CDH24: variants seen among roughly 807,000 people sequenced by gnomAD.
The protein encoded by CDH24 is cadherin 24, also known as cadherin-24.
CDH24 carries 61 observed loss-of-function variants against 71.2 expected under a neutral mutation model. That is an observed-to-expected ratio of 0.86 (90% confidence interval 0.70 to 1.06). The LOEUF (loss-of-function observed/expected upper bound fraction) is 1.06, where lower values mean the gene tolerates loss of function less well. Ranked by LOEUF, CDH24 falls within the 50% of genes least tolerant of loss-of-function variation. CDH24 has a pLI of 0.00. For synonymous variants in CDH24, 440 were observed against 470.2 expected, an observed-to-expected ratio of 0.94 and a Z score of 0.83; for missense variants, 961 against 1,083.7, an observed-to-expected ratio of 0.89 and a Z score of 1.59.
rs750978226 is a variant in CDH24 at position 23,054,604 on chromosome 14, GC to G, written c.685del (p.Ala229ProfsTer17). 1 of 1,614,068 alleles carries G rather than the reference GC, an allele frequency of 6.2e-7. No individual in the cohort carries two copies. Among genetic ancestry groups the G allele is most frequent in the Non-Finnish European group, 8.5e-7 (1 of 1,179,980 alleles). ...TQEEFLVVIQ[A>X]KDMGGHMGGL... is the part of the protein sequence containing the mutation. ...CCCCATGTGGCCGCCCATGTCCTTGGCCTGGATCACCACCAAGAACTCCTCC... is the reference window on the plus strand; with the variant it reads ...CCCCATGTGGCCGCCCATGTCCTTGGCTGGATCACCACCAAGAACTCCTCC... On this transcript the variant is annotated frameshift_variant, in exon 5 of 13. Transcript: ENST00000487137. LOFTEE classifies it high-confidence loss of function. The surrounding 1 kb of genome is among the most constrained non-coding windows in gnomAD (Gnocchi z 5.2).
Position 23,049,251 on chromosome 14 carries a change from G to A in CDH24, c.1622C>T (p.Pro541Leu), listed in dbSNP as rs1221362967. The A allele has an allele frequency of 1.9e-6, 3 of 1,576,612 alleles. No homozygotes were observed. The highest frequency in any genetic ancestry group is 2.6e-6 in the Non-Finnish European group (3 of 1,160,582). ...ATGGCGGGGTGGAGCAGGGCGGGAG[G>A]GCAGCAGCAGGCTGGCGGAGCCATC... ...NRDGSASLLL[P>L]SRPAPPRHAP... The change falls in exon 11 of 13, where the codon CCC becomes CTC. Residue 541 changes from proline to leucine, a missense_variant. Physicochemically the swap from Pro to Leu is moderately conservative, Grantham distance 98 (BLOSUM62 -3). Around this residue, in one of 2 missense-constraint regions of CDH24, gnomAD observed 671 missense variants for 810.9 expected, o/e 0.83. Transcript: ENST00000487137.
At chr14:23,053,771 A>G (rs749511407) in intron 6 of CDH24, 22 bp from the exon 7 acceptor site, 1 of 1,578,090 alleles carries the variant, frequency 6.3e-7, no homozygotes, top group South Asian at 1.1e-5. Flanking sequence ...GGAGAGGGAG[A>G]AAAAGTGAGG....
At chr14:23,050,085 T>C (rs1252523119) in intron 8 of CDH24, 142 bp from the exon 9 acceptor site, 18 of 1,177,832 alleles carry the variant, frequency 1.5e-5, no homozygotes, top group Non-Finnish European at 2.0e-5. Context: ...AATGTACAGG[T>C]AGAAAACAAT....
chr14:23,056,395 G>A (rs1336308143), intron 1 of CDH24, among the ~76,000 whole-genome samples: 5 of 152,236 alleles, frequency 3.3e-5, no homozygotes, highest in African/African-American at 1.2e-4. Flanking sequence ...GGGGGACTGG[G>A]CTCGTGAGAC....
In CDH24 at chr14:23,048,480, C is replaced by A. The variant is rs2047060202; in HGVS notation, c.1847-1G>T. ...AGGGCCACGAAGAGCACCACCAGGG[C>A]TGCGCGAGAGGCGCGCACACAGGCC... On this transcript the variant is annotated splice_acceptor_variant, in intron 11 of 12. Transcript: ENST00000487137. LOFTEE classifies it high-confidence loss of function. The A allele has an allele frequency of 1.2e-6, 2 of 1,604,958 alleles. No individual in the cohort carries two copies. The highest frequency in any genetic ancestry group is 1.3e-5 in the African/African-American group (1 of 74,846).
chr14:23,049,411 T>G, intron 10 of CDH24, 136 bp from the exon 11 acceptor site: 1 of 864,120 alleles, frequency 1.2e-6, no homozygotes, highest in Non-Finnish European at 1.7e-6. Context: ...AGAGCCAGCT[T>G]CCCATAGAGC....
Position 23,049,896 on chromosome 14 carries a change from C to G in CDH24, c.1411G>C (p.Asp471His), listed in dbSNP as rs756508966. The G allele has an allele frequency of 5.6e-6, 9 of 1,613,912 alleles. No homozygotes were observed. Among genetic ancestry groups the G allele is most frequent in the Non-Finnish European group, 6.8e-6 (8 of 1,180,022 alleles). Residue 471 changes from aspartate to histidine, a missense_variant, in exon 9 of 13, where the codon GAT (aspartate) becomes CAT (histidine). Asp to His is a moderately conservative substitution (Grantham distance 81). Around this residue, in one of 2 missense-constraint regions of CDH24, gnomAD observed 671 missense variants for 810.9 expected, o/e 0.83. Coordinates refer to ENST00000487137, the MANE Select transcript of CDH24 (RefSeq NM_144985.4). ...AGCTGGGGAGCATTGTCATTCTCAT[C>G]CAGGGTCTGGATGGCCACTTGCACG... ...SRVQVAIQTL[D>H]ENDNAPQLAE...
Position 23,053,713 on chromosome 14 carries a change from G to A in CDH24, c.1009C>T (p.Arg337Cys), listed in dbSNP as rs764837282. 16 of 1,612,152 alleles carry A rather than the reference G, an allele frequency of 9.9e-6. No individual in the cohort carries two copies. The highest frequency in any genetic ancestry group is 6.7e-5 in the East Asian group (3 of 44,888). ...ATGAGCGTGTTGGTGGCCTCGACAC[G>A]GAAGGAGTAGGAGCGCTGGCTCTCA... Reference protein sequence around the residue: ...DFESQRSYSFRVEATNTLIDP... With the variant: ...DFESQRSYSFCVEATNTLIDP... The change falls in exon 7 of 13, where the codon CGT becomes TGT. Residue 337 changes from arginine to cysteine, a missense_variant. By Grantham distance (180) the Arg-to-Cys change is radical. Around this residue, in one of 2 missense-constraint regions of CDH24, gnomAD observed 671 missense variants for 810.9 expected, o/e 0.83. Coordinates refer to ENST00000487137, the MANE Select transcript of CDH24 (RefSeq NM_144985.4).
At chr14:23,053,808 G>A (rs769059058) in intron 6 of CDH24, 59 bp from the exon 7 acceptor site, 1 of 1,512,270 alleles carries the variant, frequency 6.6e-7, no homozygotes, top group Non-Finnish European at 8.9e-7. Context: ...CAGGTCCCAG[G>A]CTCTTGGAAG....
chr14:23,055,474 T>C lies in CDH24; in HGVS notation c.201+59A>G. 6.3e-7 allele frequency: 1 copy of C among 1,598,230 alleles called. No individual in the cohort carries two copies. Among genetic ancestry groups the C allele is most frequent in the Admixed American group, 1.7e-5 (1 of 59,272 alleles). On this transcript the variant is annotated intron_variant, in intron 2 of 12. Transcript: ENST00000487137. The surrounding 1 kb of genome is among the most constrained non-coding windows in gnomAD (Gnocchi z 4.1). ...CAAGGTCATTGCAGAAGTGATGAAG[T>C]TGCAGGGCAGGGCCTGAGGGCTTGG...
chr14:23,050,675 C>A (rs940748048), intron 8 of CDH24, among the ~76,000 whole-genome samples: 1 of 152,254 alleles, frequency 6.6e-6, no homozygotes, highest in African/African-American at 2.4e-5. Flanking sequence ...TTTACCCATC[C>A]CTTCATCAGG....
rs370092057 is a variant in CDH24 at position 23,047,947 on chromosome 14, C to G, written c.*33G>C. On this transcript the variant is annotated 3_prime_UTR_variant, in exon 12 of 13. Coordinates refer to ENST00000487137, the MANE Select transcript of CDH24 (RefSeq NM_144985.4). ...CTCAGAGGGCCTGTGCCCGCTGCCC[C>G]CCCCCCGCGGTGGGCCGGGCCAGCC... 2.2e-4 allele frequency: 279 copies of G among 1,288,180 alleles called. No homozygotes were observed. Among genetic ancestry groups the G allele is most frequent in the Non-Finnish European group, 2.5e-4 (259 of 1,020,498 alleles). The allele number at this position is 1,288,180 out of a possible 1,614,324, so 79.8% of individuals were successfully genotyped here.
At position 23,055,876 on chromosome 14, in the gene CDH24, C is replaced by T; in HGVS notation, c.-124-19G>A. 6 of 694,824 alleles carry T rather than the reference C, an allele frequency of 8.6e-6. No homozygotes were observed. Among genetic ancestry groups the T allele is most frequent in the Non-Finnish European group, 1.4e-5 (6 of 424,522 alleles). The allele number at this position is 694,824 out of a possible 1,614,324, so 43.0% of individuals were successfully genotyped here. ...TCCACACCTGCAGGACAAGCAGCTG[C>T]TCAGGCTCAAGGAAACCCCTAGCCC... On this transcript the variant is annotated intron_variant, in intron 1 of 12. Coordinates refer to ENST00000487137, the MANE Select transcript of CDH24 (RefSeq NM_144985.4). This position sits in a 1 kb window ranked among gnomAD's most constrained non-coding sequence, Gnocchi z 4.1.
At chr14:23,049,391 T>A (rs2047067391) in intron 10 of CDH24, 116 bp from the exon 11 acceptor site, 4 of 1,009,614 alleles carry the variant, frequency 4.0e-6, no homozygotes, top group Non-Finnish European at 2.9e-6. Flanking sequence ...AGCCCATAGG[T>A]CCAGCCCATA....
In CDH24 at chr14:23,049,173, C is replaced by T; in HGVS notation, c.1700G>A (p.Ser567Asn). 3 of 1,581,860 alleles carry T rather than the reference C, an allele frequency of 1.9e-6. No homozygotes were observed. The highest frequency in any genetic ancestry group is 1.1e-5 in the South Asian group (1 of 87,636). Residue 567 changes from serine (S) to asparagine (N), a missense_variant, in exon 11 of 13, where the codon AGC (serine) becomes AAC (asparagine). Around this residue, in one of 2 missense-constraint regions of CDH24, gnomAD observed 671 missense variants for 810.9 expected, o/e 0.83. Coordinates refer to ENST00000487137, the MANE Select transcript of CDH24 (RefSeq NM_144985.4). ...ELWDWGQPALSSTATVTVSVC... is the reference protein window; with the variant it reads ...ELWDWGQPALNSTATVTVSVC... ...ACTAACAGTCACTGTGGCAGTGCTG[C>T]TCAGCGCCGGCTGCCCCCAGTCCCA...
intron 8 of CDH24, 58 bp from the exon 9 acceptor site, chr14:23,050,001 A>G: frequency 6.3e-7 from 1 of 1,583,996 alleles, no homozygotes; most frequent in Non-Finnish European, 8.6e-7. Flanking sequence ...TTTACACGTA[A>G]CATATGTGGT....
intron 8 of CDH24, 169 bp downstream of exon 8, chr14:23,052,304 A>G: frequency 2.4e-6 from 2 of 825,776 alleles, no homozygotes; most frequent in Non-Finnish European, 2.0e-6. Flanking sequence ...TAGGACCCAG[A>G]TCCAGGCTAG....
At position 23,057,210 on chromosome 14, in the gene CDH24, T is replaced by C. The variant is rs1594729001; in HGVS notation, c.-125+193A>G. Among the ~76,000 whole-genome samples, 1 of 147,116 alleles carries C rather than the reference T, an allele frequency of 6.8e-6. No homozygotes were observed. Among genetic ancestry groups the C allele is most frequent in the East Asian group, 2.0e-4 (1 of 4,894 alleles). ...AGGCAAACAGGCAGAGAAGGAAGGG[T>C]GAAGAGAAATCGAGAGAAGAAAGAG... On this transcript the variant is annotated intron_variant, in intron 1 of 12. Transcript: ENST00000487137. This position sits in a 1 kb window ranked among gnomAD's most constrained non-coding sequence, Gnocchi z 5.4.
chr14:23,056,983 G>A (rs1057045543), intron 1 of CDH24, among the ~76,000 whole-genome samples: 1 of 149,366 alleles, frequency 6.7e-6, no homozygotes, highest in African/African-American at 2.5e-5. Context: ...ATGAGGAGGC[G>A]AGAAGGAAGG....
Sources: allele counts gnomAD v4.1 joint callset (sites outside exome capture counted in the v4.1 genomes callset), GRCh38; gene constraint gnomAD v4.1.1; regional missense constraint gnomAD v4.1.1; non-coding constraint Gnocchi (gnomAD v3.1); transcripts MANE v1.5; gene names NCBI Gene and HGNC (gene_info 2026-07-23, HGNC 2026-07-21).